AKR1A1: variants seen among roughly 807,000 people sequenced by gnomAD.
AKR1A1 encodes HEL-S-165mP.
AKR1A1 carries 26 observed loss-of-function variants against 39.2 expected under a neutral mutation model. The ratio of observed to expected loss-of-function variants is 0.66; its 90% CI spans 0.49 to 0.92. The LOEUF is 0.92. AKR1A1 is among the 40% of genes least tolerant of loss of function. The pLI is 0.00. For synonymous variants in AKR1A1, 141 were observed against 155.5 expected (o/e 0.91, Z 0.69); for missense variants, 378 against 406.5 (o/e 0.93, Z 0.60).
chr1:45,561,805 C>T lies in AKR1A1; in HGVS notation c.11C>T (p.Ser4Phe), dbSNP rs61733010. The T allele has an allele frequency of 3.5e-4, 572 of 1,614,112 alleles. 3 individuals are homozygous for T. In the African/African-American group the frequency reaches 6.1e-3, roughly 17 times the overall value. Residue 4 changes from serine to phenylalanine, a missense_variant, in exon 2 of 9, where the codon TCC becomes TTC. Coordinates refer to ENST00000351829, the MANE Select transcript of AKR1A1 (RefSeq NM_153326.3). The stretch of plus-strand genomic sequence containing the variant: ...GTGTTTCAGGGGGCAATGGCGGCTT[C>T]CTGTGTTCTACTGCACACTGGGCAG... MAA[S>F]CVLLHTGQKM... is the part of the protein sequence containing the mutation.
In AKR1A1 at chr1:45,554,433, ATAAG is replaced by A. The variant is rs373399395; in HGVS notation, c.-7+3282_-7+3285del. On this transcript the variant is annotated intron_variant, in intron 1 of 8. Transcript: ENST00000351829. ...TTAGAGCGAGACTCTGTCTCAATAA[ATAAG>A]TAAATAAATAAGCTGGGTGTGGTGA... Among the ~76,000 whole-genome samples, 189 of 152,136 alleles carry A rather than the reference ATAAG, an allele frequency of 1.2e-3. 9 individuals are homozygous for A. Among genetic ancestry groups the A allele is most frequent in the African/African-American group, 4.4e-3 (184 of 41,524 alleles).
At position 45,561,820 on chromosome 1, in the gene AKR1A1, A is replaced by G. The variant is rs144177101; in HGVS notation, c.26A>G (p.His9Arg). The G allele has an allele frequency of 3.7e-6, 6 of 1,613,994 alleles. No homozygotes were observed. The African/African-American group carries it at 4.0e-5, about 11-fold the overall frequency. The change falls in exon 2 of 9, where the codon CAC becomes CGC. Residue 9 changes from histidine to arginine, a missense_variant. Physicochemically the swap from His to Arg is conservative, Grantham distance 29. Coordinates refer to ENST00000351829, the MANE Select transcript of AKR1A1 (RefSeq NM_153326.3). MAASCVLL[H>R]TGQKMPLIGL... ...ATGGCGGCTTCCTGTGTTCTACTGC[A>G]CACTGGGCAGAAGATGCCTCTGATT...
intron 2 of AKR1A1, 32 bp downstream of exon 2, chr1:45,561,910 T>C (rs1276030072): frequency 6.2e-7 from 1 of 1,608,170 alleles, no homozygotes; most frequent in Non-Finnish European, 8.5e-7. Context: ...AAGAAACTTG[T>C]TGAGCCTCTG....
Position 45,566,603 on chromosome 1 carries a change from G to A in AKR1A1, c.119G>A (p.Gly40Asp), listed in dbSNP as rs753712388. The A allele has an allele frequency of 5.0e-6, 8 of 1,614,134 alleles. No individual in the cohort carries two copies. The African/African-American group carries it at 1.1e-4, about 22-fold the overall frequency. ...KAAVKYALSV[G>D]YRHIDCAAIY... Reference sequence around the variant, plus strand: ...GCTGTTAAGTATGCCCTTAGCGTAGGCTACCGCCACATTGATTGTGCTGCT... The same window carrying A: ...GCTGTTAAGTATGCCCTTAGCGTAGACTACCGCCACATTGATTGTGCTGCT... The change falls in exon 3 of 9, where the codon GGC becomes GAC. Residue 40 changes from glycine (G) to aspartate (D), a missense_variant. By Grantham distance (94) the Gly-to-Asp change is moderately conservative. Transcript: ENST00000351829.
intron 1 of AKR1A1, among the ~76,000 whole-genome samples, chr1:45,554,073 G>A (rs1644169535): frequency 6.6e-6 from 1 of 151,988 alleles, no homozygotes; most frequent in Non-Finnish European, 1.5e-5. Context: ...AGGCCAAGGT[G>A]GGAGGGTCAC....
chr1:45,552,362 A>AT (rs1383738962), intron 1 of AKR1A1: 1 of 151,640 alleles, frequency 6.6e-6, no homozygotes, highest in East Asian at 1.9e-4. Flanking sequence ...AAAAAAAAAA[A>AT]TTCCCCCTAG....
rs191661200 is a variant in AKR1A1 at position 45,569,793 on chromosome 1, C to T, written c.913-98C>T. The T allele has an allele frequency of 4.9e-5, 51 of 1,044,702 alleles. No homozygotes were observed. The Admixed American group carries it at 9.1e-4, about 19-fold the overall frequency. The allele number at this position is 1,044,702 out of a possible 1,614,324, so 64.7% of individuals were successfully genotyped here. ...CAATGCCATCTGGCATAGTGCTGTA[C>T]ACAGGTGAGTTTGTTTAGGAAGATT... On this transcript the variant is annotated intron_variant, in intron 8 of 8. Transcript: ENST00000351829.
intron 2 of AKR1A1, among the ~76,000 whole-genome samples, chr1:45,564,885 C>T (rs1320485680): frequency 4.1e-5 from 6 of 147,252 alleles, no homozygotes; most frequent in African/African-American, 1.3e-4. Flanking sequence ...TGCAGTGGCG[C>T]AATCTCGCCT....
chr1:45,556,245 C>T (rs952566385), intron 1 of AKR1A1, among the ~76,000 whole-genome samples: 9 of 152,206 alleles, frequency 5.9e-5, no homozygotes, highest in African/African-American at 2.2e-4. Context: ...TAATACCCTC[C>T]TCCCCACTCA....
rs201816390 is a variant in AKR1A1, at chr1:45,554,996, G to GT, written c.-7+3850dup. Among the ~76,000 whole-genome samples, 25 of 151,214 alleles carry GT rather than the reference G, an allele frequency of 1.7e-4. No individual in the cohort carries two copies. In the South Asian group the frequency reaches 1.9e-3, roughly 11 times the overall value. ...CATGAGCCACCACACGCAACCAGATGTTTTTTTTTAAGGCCCAAATGGATT... is the reference window on the plus strand; with the variant it reads ...CATGAGCCACCACACGCAACCAGATGTTTTTTTTTTAAGGCCCAAATGGATT... On this transcript the variant is annotated intron_variant, in intron 1 of 8. Transcript: ENST00000351829.
chr1:45,561,684 G>A (rs550974603), intron 1 of AKR1A1, 105 bp from the exon 2 acceptor site: 50 of 1,134,580 alleles, frequency 4.4e-5, no homozygotes, highest in South Asian at 3.4e-4. Context: ...GATTACAGGT[G>A]TGAGCCACTG....
At chr1:45,557,380 A>G (rs1208766604) in intron 1 of AKR1A1, among the ~76,000 whole-genome samples, 2 of 152,010 alleles carry the variant, frequency 1.3e-5, no homozygotes, top group African/African-American at 4.8e-5. Context: ...AGAGAAAAAC[A>G]TCTATGTGGC....
Position 45,569,950 on chromosome 1 carries a change from G to T in AKR1A1, c.972G>T (p.Pro324=), listed in dbSNP as rs769714304. ...AGHPLYPFND[P]Y ...ATCCTCTGTACCCCTTTAATGACCC[G>T]TACTGAGACCACAGCTTCTTGGCCT... Residue 324 remains proline (P), a synonymous_variant, in exon 9 of 9, where the codon CCG becomes CCT. Coordinates refer to ENST00000351829, the MANE Select transcript of AKR1A1 (RefSeq NM_153326.3). The T allele has an allele frequency of 2.5e-6, 4 of 1,613,922 alleles. No homozygotes were observed. In the African/African-American group the frequency reaches 5.3e-5, roughly 22 times the overall value.
At position 45,566,855 on chromosome 1, in the gene AKR1A1, G is replaced by GC. The variant is rs751716348; in HGVS notation, c.205-9dup. The GC allele has an allele frequency of 3.1e-6, 5 of 1,612,792 alleles. No individual in the cohort carries two copies. The East Asian group carries it at 1.1e-4, about 36-fold the overall frequency. On this transcript the variant is annotated splice_polypyrimidine_tract_variant and intron_variant, in intron 3 of 8. Coordinates refer to ENST00000351829, the MANE Select transcript of AKR1A1 (RefSeq NM_153326.3). Reference sequence around the variant, plus strand: ...CATGGCTCTTCTCACTGTGGGCCCTGCCCCCTGCACTAGGCGGTGCCTCGG... The same window carrying GC: ...CATGGCTCTTCTCACTGTGGGCCCTGCCCCCCTGCACTAGGCGGTGCCTCGG...
At chr1:45,559,729 C>T (rs1410324461) in intron 1 of AKR1A1, among the ~76,000 whole-genome samples, 6 of 145,808 alleles carry the variant, frequency 4.1e-5, no homozygotes, top group Admixed American at 7.0e-5. Flanking sequence ...CTGCAACCTC[C>T]GCCTCCCGGG....
At chr1:45,563,092 C>A (rs564613674) in intron 2 of AKR1A1, among the ~76,000 whole-genome samples, 1 of 142,912 alleles carries the variant, frequency 7.0e-6, no homozygotes, top group Admixed American at 7.0e-5. Context: ...CTGGACAGAG[C>A]GAGACCATCT....
chr1:45,568,032 A>G lies in AKR1A1; in HGVS notation c.407A>G (p.Asp136Gly). The change falls in exon 5 of 9, where the codon GAC (aspartate) becomes GGC (glycine). Residue 136 changes from aspartate (D) to glycine (G), a missense_variant. Transcript: ENST00000351829. The part of the protein sequence containing the change: ...PKNADGTICY[D>G]STHYKETWKA... ...AATGCTGATGGGACTATATGCTACGACTCCACCCACTACAAGGAGACTTGG... is the reference window on the plus strand; with the variant it reads ...AATGCTGATGGGACTATATGCTACGGCTCCACCCACTACAAGGAGACTTGG... The G allele has an allele frequency of 1.2e-6, 2 of 1,613,538 alleles. No individual in the cohort carries two copies. The highest frequency in any genetic ancestry group is 1.7e-6 in the Non-Finnish European group (2 of 1,179,892).
At chr1:45,556,134 T>C (rs1229911229) in intron 1 of AKR1A1, among the ~76,000 whole-genome samples, 2 of 152,200 alleles carry the variant, frequency 1.3e-5, no homozygotes, top group Non-Finnish European at 2.9e-5. Context: ...TCTACTTCCC[T>C]GCAGCCAGGC....
chr1:45,567,124 T>C (rs1384607295), intron 4 of AKR1A1, 104 bp downstream of exon 4: 1 of 1,457,720 alleles, frequency 6.9e-7, no homozygotes, highest in African/African-American at 1.4e-5. Context: ...GAACACTCAT[T>C]TGCATGCCAA....
Sources: gnomAD v4.1 joint callset for allele counts (sites outside exome capture counted in the v4.1 genomes callset) on GRCh38, gnomAD v4.1.1 for gene constraint, MANE v1.5 for transcripts, NCBI Gene and HGNC (gene_info 2026-07-23, HGNC 2026-07-21) for gene names.